The following GTF2E2 variants were observed in gnomAD, a reference collection of about 807,000 sequenced individuals.
The protein encoded by GTF2E2 is transcription initiation factor IIE subunit beta.
Under a neutral mutation model 40.5 loss-of-function variants are expected in GTF2E2, and 21 were observed. The observed-to-expected ratio is 0.52, with a 90% CI of 0.37 to 0.75. The LOEUF is 0.75. GTF2E2 is among the 30% of genes least tolerant of loss of function. The pLI, the probability that GTF2E2 is intolerant of heterozygous loss-of-function variation, is 0.00. For synonymous variants in GTF2E2, 117 were observed against 121.6 expected (o/e 0.96, Z 0.25); for missense variants, 298 against 338.4 (o/e 0.88, Z 0.94).
intron 3 of GTF2E2, among the ~76,000 whole-genome samples, chr8:30,619,550 G>C (rs768963538): frequency 3.3e-5 from 5 of 150,262 alleles, no homozygotes; most frequent in Non-Finnish European, 7.4e-5. Flanking sequence ...CACAACACCT[G>C]GCTAATTTTT....
At chr8:30,636,979 ATATT>A (rs918383678) in intron 2 of GTF2E2, 1 of 439,502 alleles carries the variant, frequency 2.3e-6, no homozygotes, top group South Asian at 1.7e-5. Context: ...AAAGTAACCA[ATATT>A]TATTATCTGC....
At chr8:30,607,223 C>A in intron 5 of GTF2E2, 73 bp from the exon 6 acceptor site, 1 of 595,644 alleles carries the variant, frequency 1.7e-6, no homozygotes. Flanking sequence ...AAAATTTAAA[C>A]AATAAAGGAG....
intron 4 of GTF2E2, among the ~76,000 whole-genome samples, chr8:30,613,987 C>A (rs1800823383): frequency 6.6e-6 from 1 of 152,128 alleles, no homozygotes; most frequent in East Asian, 1.9e-4. Flanking sequence ...TCTTCCTATC[C>A]CTGCAGTACC....
intron 6 of GTF2E2, among the ~76,000 whole-genome samples, chr8:30,593,404 A>G (rs950442318): frequency 2.0e-5 from 3 of 152,068 alleles, no homozygotes; most frequent in African/African-American, 7.2e-5. Context: ...TCCATTTTTA[A>G]TTCATGTATT....
Position 30,618,710 on chromosome 8 carries a change from T to C in GTF2E2, c.259-3995A>G, listed in dbSNP as rs558401360. ...ATTATAGCAGCTATTTACAGTTTGC[T>C]AACAATTATTTTTAAAATAATTAAA... On this transcript the variant is annotated intron_variant, in intron 3 of 7. Coordinates refer to ENST00000355904, the MANE Select transcript of GTF2E2 (RefSeq NM_002095.6). Among the ~76,000 whole-genome samples, 260 of 152,310 alleles carry C rather than the reference T, an allele frequency of 1.7e-3. 1 individual carries two copies. Among genetic ancestry groups the C allele is most frequent in the African/African-American group, 6.0e-3 (248 of 41,558 alleles).
chr8:30,618,995 T>C (rs1585971276), intron 3 of GTF2E2, among the ~76,000 whole-genome samples: 1 of 152,208 alleles, frequency 6.6e-6, no homozygotes, highest in African/African-American at 2.4e-5. Flanking sequence ...CGGGCTAGAG[T>C]GCAGTGGTGC....
At chr8:30,652,155 G>C (rs1802301274) in intron 2 of GTF2E2, among the ~76,000 whole-genome samples, 1 of 152,116 alleles carries the variant, frequency 6.6e-6, no homozygotes, top group Admixed American at 6.6e-5. Flanking sequence ...CATGACCTGT[G>C]TCAGGCAAAG....
chr8:30,612,397 G>T lies in GTF2E2; in HGVS notation c.451C>A (p.Leu151Ile). 6.2e-7 allele frequency: 1 copy of T among 1,611,278 alleles called. No individual in the cohort carries two copies. Among genetic ancestry groups the T allele is most frequent in the Non-Finnish European group, 8.5e-7 (1 of 1,177,564 alleles). ...PKYNVRDKKA[L>I]LRLLDQHDQR... Reference sequence around the variant, plus strand: ...TCATGCTGATCTAAGAGCCTAAGTAGGGCCTTCTTATCTCTCACGTTGTAC... The same window carrying T: ...TCATGCTGATCTAAGAGCCTAAGTATGGCCTTCTTATCTCTCACGTTGTAC... The change falls in exon 5 of 8, where the codon CTA becomes ATA. Residue 151 changes from leucine to isoleucine, a missense_variant. Coordinates refer to ENST00000355904, the MANE Select transcript of GTF2E2 (RefSeq NM_002095.6).
chr8:30,644,837 G>A (rs896831383), intron 2 of GTF2E2, among the ~76,000 whole-genome samples: 1 of 150,728 alleles, frequency 6.6e-6, no homozygotes, highest in African/African-American at 2.4e-5. Flanking sequence ...CACAACCTGC[G>A]CCTCCCTGGC....
chr8:30,635,219 G>GT (rs1387682573), intron 2 of GTF2E2, 96 bp from the exon 3 acceptor site: 1 of 680,386 alleles, frequency 1.5e-6, no homozygotes, highest in Admixed American at 2.7e-5. Context: ...TATTTCTTGA[G>GT]TTTTTCATCT....
intron 2 of GTF2E2, among the ~76,000 whole-genome samples, 193 bp downstream of exon 2, chr8:30,653,240 A>G (rs1050484122): frequency 1.3e-5 from 2 of 152,184 alleles, no homozygotes; most frequent in African/African-American, 4.8e-5. Flanking sequence ...TAAAGAGGTA[A>G]TAACCTAAAT....
intron 2 of GTF2E2, among the ~76,000 whole-genome samples, chr8:30,650,239 C>T (rs999467274): frequency 1.3e-5 from 2 of 151,962 alleles, no homozygotes; most frequent in Non-Finnish European, 2.9e-5. Context: ...TACACCATAA[C>T]CAAGTAGGAT....
At chr8:30,598,478 G>A (rs1284425471) in intron 6 of GTF2E2, among the ~76,000 whole-genome samples, 1 of 152,122 alleles carries the variant, frequency 6.6e-6, no homozygotes, top group Non-Finnish European at 1.5e-5. Flanking sequence ...AGTTCCTTTT[G>A]TTTAAAGTCA....
chr8:30,592,677 G>C (rs1401340035), intron 6 of GTF2E2, among the ~76,000 whole-genome samples: 1 of 152,202 alleles, frequency 6.6e-6, no homozygotes, highest in East Asian at 1.9e-4. Context: ...CATGTAAATA[G>C]TTATACTGTA....
At chr8:30,615,804 T>A (rs1800903242) in intron 3 of GTF2E2, among the ~76,000 whole-genome samples, 1 of 152,164 alleles carries the variant, frequency 6.6e-6, no homozygotes, top group African/African-American at 2.4e-5. Flanking sequence ...TTGATCAATC[T>A]AGCAATCACG....
chr8:30,650,144 C>T (rs1422430298), intron 2 of GTF2E2, among the ~76,000 whole-genome samples: 1 of 152,176 alleles, frequency 6.6e-6, no homozygotes, highest in East Asian at 1.9e-4. Context: ...AAACTACATA[C>T]ACATCAAGTC....
intron 6 of GTF2E2, among the ~76,000 whole-genome samples, chr8:30,599,195 T>C (rs895981882): frequency 1.3e-5 from 2 of 152,180 alleles, no homozygotes; most frequent in African/African-American, 4.8e-5. Context: ...AATATGTCTA[T>C]CTTTTGATCC....
intron 3 of GTF2E2, among the ~76,000 whole-genome samples, chr8:30,627,203 T>C (rs1801304328): frequency 2.0e-5 from 3 of 152,196 alleles, no homozygotes; most frequent in South Asian, 2.1e-4. Context: ...ACAAACAGCT[T>C]GTTTATCCAG....
At chr8:30,594,081 C>A (rs1368373105) in intron 6 of GTF2E2, among the ~76,000 whole-genome samples, 2 of 151,940 alleles carry the variant, frequency 1.3e-5, no homozygotes, top group African/African-American at 4.8e-5. Context: ...CAGGCGCATG[C>A]CACCACACTC....
Sources: allele counts gnomAD v4.1 joint callset (sites outside exome capture counted in the v4.1 genomes callset), GRCh38; gene constraint gnomAD v4.1.1; transcripts MANE v1.5; gene names NCBI Gene and HGNC (gene_info 2026-07-23, HGNC 2026-07-21).